The following GPHN variants were observed in gnomAD, a reference collection of about 807,000 sequenced individuals.
The protein encoded by GPHN is gephyrin.
Under a neutral mutation model 95.5 loss-of-function variants are expected in GPHN, and 17 were observed. The observed-to-expected ratio is 0.18, with a 90% confidence interval of 0.12 to 0.27. The LOEUF (loss-of-function observed/expected upper bound fraction) is 0.27, where lower values mean the gene tolerates loss of function less well. Among genes scored for constraint, GPHN ranks in the 10% least tolerant of loss-of-function variants. The pLI is 1.00. For missense variants in GPHN, 660 were observed against 978.1 expected, an observed-to-expected ratio of 0.67 and a Z score of 4.34; for synonymous variants, 320 against 322.5, an observed-to-expected ratio of 0.99 and a Z score of 0.08.
At chr14:67,699,426 AAAAT>A in the GPHN span, among the ~76,000 whole-genome samples, 1 of 151,680 alleles carries the variant, frequency 6.6e-6, no homozygotes, top group Non-Finnish European at 1.5e-5. Context: ...AAATAAACAA[AAAAT>A]AAATAAATAA....
At chr14:67,212,598 AATAT>A in the GPHN span, among the ~76,000 whole-genome samples, 5 of 135,910 alleles carry the variant, frequency 3.7e-5, no homozygotes, top group African/African-American at 1.1e-4. Flanking sequence ...TGAAAAAAAA[AATAT>A]ATATATATAT....
chr14:67,466,029 T>C, the GPHN span, among the ~76,000 whole-genome samples: 1 of 152,344 alleles, frequency 6.6e-6, no homozygotes, highest in East Asian at 1.9e-4. Flanking sequence ...ATTTGACTTC[T>C]GCCTTCCAGA....
At chr14:66,733,117 T>C (rs1325626795) in intron 2 of GPHN, among the ~76,000 whole-genome samples, 1 of 152,086 alleles carries the variant, frequency 6.6e-6, no homozygotes, top group Non-Finnish European at 1.5e-5. Flanking sequence ...ATGGGGGCAG[T>C]TTTCCTCATG....
In GPHN at chr14:67,122,305, A is replaced by G. The variant is rs1161767597; in HGVS notation, c.1676A>G (p.Asn559Ser). 3.1e-6 allele frequency: 5 copies of G among 1,613,180 alleles called. No homozygotes were observed. The highest frequency in any genetic ancestry group is 1.1e-5 in the South Asian group (1 of 91,054). Residue 559 changes from asparagine to serine, a missense_variant, in exon 17 of 23, where the codon AAT becomes AGT. Physicochemically the swap from Asn to Ser is conservative, Grantham distance 46. Coordinates refer to ENST00000478722, the MANE Select transcript of GPHN (RefSeq NM_020806.5). ...TTACCAGGGAAGATTCGAGACAGCA[A>G]TCGTTCAACTCTTCTAGCAACAATT... ...DLLPGKIRDS[N>S]RSTLLATIQE...
intron 1 of GPHN, among the ~76,000 whole-genome samples, chr14:66,559,082 G>A (rs568136009): frequency 1.3e-5 from 2 of 152,102 alleles, no homozygotes; most frequent in East Asian, 3.9e-4. Context: ...ATTTTTTATG[G>A]CTGCATAGTA....
At chr14:66,985,517 G>A (rs2070964298) in intron 9 of GPHN, among the ~76,000 whole-genome samples, 1 of 152,084 alleles carries the variant, frequency 6.6e-6, no homozygotes, top group South Asian at 2.1e-4. Context: ...CCTATTTGCA[G>A]AGCATGTCAT....
At chr14:66,838,494 T>C (rs1283758546) in intron 4 of GPHN, among the ~76,000 whole-genome samples, 2 of 152,158 alleles carry the variant, frequency 1.3e-5, no homozygotes, top group African/African-American at 4.8e-5. Context: ...TTATCAGTGA[T>C]GATATCTTGA....
chr14:67,478,942 A>G, the GPHN span, among the ~76,000 whole-genome samples: 3 of 152,166 alleles, frequency 2.0e-5, no homozygotes, highest in Non-Finnish European at 4.4e-5. Flanking sequence ...TGAATATTCA[A>G]CCTAACTCCG....
chr14:67,091,893 A>C (rs2077163747), intron 12 of GPHN, among the ~76,000 whole-genome samples: 1 of 151,902 alleles, frequency 6.6e-6, no homozygotes, highest in Non-Finnish European at 1.5e-5. Context: ...CATTATAAAC[A>C]GTCCAAGAGA....
chr14:67,067,054 C>G (rs543493380), intron 11 of GPHN, among the ~76,000 whole-genome samples: 2 of 152,154 alleles, frequency 1.3e-5, no homozygotes, highest in African/African-American at 4.8e-5. Flanking sequence ...TGGATTCTCA[C>G]CATCTTTGTG....
At chr14:66,860,087 A>G (rs1194840756) in intron 4 of GPHN, among the ~76,000 whole-genome samples, 1 of 152,180 alleles carries the variant, frequency 6.6e-6, no homozygotes, top group East Asian at 1.9e-4. Context: ...AGAACTTCCA[A>G]ACCTCGAGAA....
intron 1 of GPHN, among the ~76,000 whole-genome samples, chr14:66,523,723 G>A (rs1265194726): frequency 6.6e-6 from 1 of 152,014 alleles, no homozygotes; most frequent in Non-Finnish European, 1.5e-5. Context: ...TTTAATGAGT[G>A]TGCCCACATA....
intron 4 of GPHN, among the ~76,000 whole-genome samples, chr14:66,842,892 T>G (rs1013547067): frequency 1.3e-5 from 2 of 152,306 alleles, no homozygotes; most frequent in Non-Finnish European, 2.9e-5. Flanking sequence ...GCAATAGAGT[T>G]CAGATCCATC....
the GPHN span, among the ~76,000 whole-genome samples, chr14:67,620,560 A>C: frequency 6.6e-6 from 1 of 152,156 alleles, no homozygotes; most frequent in Non-Finnish European, 1.5e-5. Context: ...TGGCCTCTCC[A>C]GCGCGGGAGG....
chr14:67,058,938 T>C (rs1385120671), intron 11 of GPHN, 152 bp downstream of exon 11: 2 of 722,530 alleles, frequency 2.8e-6, no homozygotes, highest in Non-Finnish European at 4.6e-6. Flanking sequence ...TTCTACTCAA[T>C]AAGAAAAAGG....
chr14:66,646,123 T>C (rs1488238412), intron 1 of GPHN, among the ~76,000 whole-genome samples: 1 of 152,046 alleles, frequency 6.6e-6, no homozygotes, highest in Non-Finnish European at 1.5e-5. Context: ...AAAAACTAGA[T>C]TAAAATTGGG....
At chr14:67,297,419 G>A in the GPHN span, among the ~76,000 whole-genome samples, 4 of 147,246 alleles carry the variant, frequency 2.7e-5, no homozygotes, top group African/African-American at 1.0e-4. Flanking sequence ...AGATAAATAG[G>A]TAATTTTACT....
intron 10 of GPHN, among the ~76,000 whole-genome samples, chr14:67,041,384 C>T (rs981464789): frequency 6.6e-6 from 1 of 151,372 alleles, no homozygotes; most frequent in African/African-American, 2.4e-5. Context: ...CACCCCCCAA[C>T]AGGCCCTGGT....
At chr14:66,824,336 T>C in intron 3 of GPHN, 138 bp from the exon 4 acceptor site, 2 of 603,494 alleles carry the variant, frequency 3.3e-6, no homozygotes, top group Non-Finnish European at 3.0e-6. Context: ...GTTCCATGAA[T>C]TGTGCTTAGA....
Sources: gnomAD v4.1 joint callset for allele counts (sites outside exome capture counted in the v4.1 genomes callset) on GRCh38, gnomAD v4.1.1 for gene constraint, MANE v1.5 for transcripts, NCBI Gene and HGNC (gene_info 2026-07-23, HGNC 2026-07-21) for gene names.